Variants in CACNA1I observed in about 807,000 individuals in gnomAD.
The protein encoded by CACNA1I is voltage-dependent T-type calcium channel subunit alpha-1I.
A neutral mutation model predicts 201.6 loss-of-function variants in CACNA1I; 74 were observed. That is an observed-to-expected ratio of 0.37 (90% CI 0.30 to 0.45). CACNA1I has a LOEUF of 0.45. Among genes scored for constraint, CACNA1I ranks in the 20% least tolerant of loss-of-function variants. CACNA1I has a pLI of 1.00. For missense variants in CACNA1I, 2,346 were observed against 3,138.1 expected, an observed-to-expected ratio of 0.75 and a Z score of 6.03; for synonymous variants, 1,431 against 1,345.2, an observed-to-expected ratio of 1.06 and a Z score of -1.40.
intron 3 of CACNA1I, among the ~76,000 whole-genome samples, chr22:39,608,545 A>G (rs1383983531): frequency 6.6e-6 from 1 of 152,112 alleles, no homozygotes; most frequent in African/African-American, 2.4e-5. Context: ...CTGGGTTAGG[A>G]CTTGTATCCT....
rs1286006400 is a variant in CACNA1I at position 39,687,561 on chromosome 22, C to G, written c.*1156C>G. ...GAATTCTAGGCAGGGGTGGGGGCAC[C>G]TGCCTGGGCCCTGGGTCCAGCCGCA... On this transcript the variant is annotated 3_prime_UTR_variant, in exon 37 of 37. Transcript: ENST00000402142. The G allele has an allele frequency of 6.6e-6, 1 of 152,210 alleles. No homozygotes were observed. The highest frequency in any genetic ancestry group is 2.4e-5 in the African/African-American group (1 of 41,410). The allele number at this position is 152,210 out of a possible 1,614,324, so 9.4% of individuals were successfully genotyped here.
rs562581289 is a variant in CACNA1I, at chr22:39,663,721, C to T, written c.3477C>T (p.Phe1159=). Residue 1159 remains phenylalanine, a synonymous_variant, in exon 19 of 37, where the codon TTC becomes TTT. Coordinates refer to ENST00000402142, the MANE Select transcript of CACNA1I (RefSeq NM_021096.4). The stretch of plus-strand genomic sequence containing the variant: ...AGCCCCCGCCCACCCTGCCCAGGTT[C>T]CGGGTCCTGTGTCAGACCATTATTG... The part of the protein sequence containing the change: ...SVYLFSPENR[F]RVLCQTIIAH... 7.2e-5 allele frequency: 46 copies of T among 640,278 alleles called. No individual in the cohort carries two copies. The East Asian group carries it at 1.8e-3, about 25-fold the overall frequency. 39.7% of individuals were successfully genotyped at this position (640,278 alleles called of 1,614,324 possible). A position where few individuals can be genotyped will look rare whatever the true frequency, so the allele number is the denominator to read the frequency against.
intron 1 of CACNA1I, among the ~76,000 whole-genome samples, chr22:39,575,321 A>G (rs1932309614): frequency 6.6e-6 from 1 of 152,194 alleles, no homozygotes; most frequent in African/African-American, 2.4e-5. Flanking sequence ...CCTGTCAAAC[A>G]CGGGTGGTAA....
chr22:39,646,333 A>C (rs1934484588), intron 7 of CACNA1I, among the ~76,000 whole-genome samples: 1 of 147,806 alleles, frequency 6.8e-6, no homozygotes, highest in African/African-American at 2.5e-5. Flanking sequence ...TCTGTACCTC[A>C]CTGTCTCTTT....
chr22:39,657,626 G>T (rs1159340820), intron 10 of CACNA1I, among the ~76,000 whole-genome samples: 2 of 152,230 alleles, frequency 1.3e-5, no homozygotes, highest in Non-Finnish European at 2.9e-5. Flanking sequence ...CCTCAGGCAA[G>T]GGACTGGCGT....
At chr22:39,635,591 G>A (rs1178510852) in intron 5 of CACNA1I, among the ~76,000 whole-genome samples, 1 of 152,206 alleles carries the variant, frequency 6.6e-6, no homozygotes, top group Non-Finnish European at 1.5e-5. Context: ...GGGAACAGTA[G>A]GGTACCTGGG....
At chr22:39,634,346 T>A (rs1934147843) in intron 4 of CACNA1I, among the ~76,000 whole-genome samples, 1 of 152,078 alleles carries the variant, frequency 6.6e-6, no homozygotes, top group Admixed American at 6.5e-5. Flanking sequence ...CTAGTGTAAG[T>A]GGAGCAGGGC....
intron 1 of CACNA1I, among the ~76,000 whole-genome samples, chr22:39,597,465 C>T (rs933156473): frequency 2.0e-5 from 3 of 152,210 alleles, no homozygotes; most frequent in African/African-American, 7.2e-5. Flanking sequence ...CAAGCTGTGC[C>T]CAGAGGCCCT....
rs5845434 is a variant in CACNA1I at position 39,629,532 on chromosome 22, C to CGGCCAGGCAG, written c.581-5021_581-5012dup. On this transcript the variant is annotated intron_variant, in intron 4 of 36. Transcript: ENST00000402142. This position sits in a 1 kb window ranked among gnomAD's most constrained non-coding sequence, Gnocchi z 4.8. Reference sequence around the variant, plus strand: ...GTTTATCACAATGATGAATGTATGACGGCCAGGCAGGGCCAGGCAGGACGG... The same window carrying CGGCCAGGCAG: ...GTTTATCACAATGATGAATGTATGACGGCCAGGCAGGGCCAGGCAGGGCCAGGCAGGACGG... Among the ~76,000 whole-genome samples the CGGCCAGGCAG allele has an allele frequency of 0.39, 59,261 of 150,976 alleles. 12,545 individuals are homozygous for CGGCCAGGCAG. The highest frequency in any genetic ancestry group is 0.9 in the East Asian group (4,491 of 5,006).
chr22:39,640,638 G>A (rs925439062), intron 5 of CACNA1I, among the ~76,000 whole-genome samples: 77 of 152,314 alleles, frequency 5.1e-4, no homozygotes, highest in African/African-American at 1.7e-3. Context: ...GAAGGTGTGT[G>A]CAAGGCACAG....
intron 1 of CACNA1I, among the ~76,000 whole-genome samples, chr22:39,589,195 C>T (rs1402073352): frequency 6.6e-6 from 1 of 152,206 alleles, no homozygotes; most frequent in Non-Finnish European, 1.5e-5. Context: ...CACCACCCTA[C>T]CCCATTCTTC....
At chr22:39,620,130 T>TCCATCCATCCACCCAC (rs1254689331) in intron 4 of CACNA1I, among the ~76,000 whole-genome samples, 1 of 111,096 alleles carries the variant, frequency 9.0e-6, no homozygotes, top group Non-Finnish European at 1.8e-5. Context: ...CATCCACCTG[T>TCCATCCATCCACCCAC]CCATCCATCC....
intron 3 of CACNA1I, among the ~76,000 whole-genome samples, chr22:39,613,511 G>A (rs560013498): frequency 1.8e-4 from 28 of 152,318 alleles, no homozygotes; most frequent in South Asian, 4.1e-4. Flanking sequence ...CTTGTGTGAG[G>A]CCCTGTTCTG....
At chr22:39,604,725 C>T (rs1025246748) in intron 3 of CACNA1I, among the ~76,000 whole-genome samples, 10 of 151,934 alleles carry the variant, frequency 6.6e-5, no homozygotes, top group African/African-American at 2.4e-4. Context: ...ACTACAGGCA[C>T]ATGCCCCATG....
In CACNA1I at chr22:39,616,385, C is replaced by T. The variant is rs182591024; in HGVS notation, c.483-2925C>T. Among the ~76,000 whole-genome samples the T allele has an allele frequency of 9.9e-4, 150 of 152,284 alleles. 1 individual carries two copies. Among genetic ancestry groups the T allele is most frequent in the Non-Finnish European group, 2.1e-3 (140 of 68,022 alleles). ...CATCGTGGGCCCCCCCTTTGACATC[C>T]AGTCACAACTTGTATCTCATTGAGG... On this transcript the variant is annotated intron_variant, in intron 3 of 36. Coordinates refer to ENST00000402142, the MANE Select transcript of CACNA1I (RefSeq NM_021096.4).
rs1935881561 is a variant in CACNA1I, at chr22:39,686,432, C to G, written c.*27C>G. ...GGTCGCAGGGGCCCCCGGCCGCCCA[C>G]CGCCCGCCCCGTCTCACCTTCTTTA... On this transcript the variant is annotated 3_prime_UTR_variant, in exon 37 of 37. Transcript: ENST00000402142. The G allele has an allele frequency of 2.5e-6, 3 of 1,213,728 alleles. No individual in the cohort carries two copies. The South Asian group carries it at 9.2e-5, about 37-fold the overall frequency. 75.2% of individuals were successfully genotyped at this position (1,213,728 alleles called of 1,614,324 possible).
At chr22:39,681,470 C>T (rs1003169150) in intron 34 of CACNA1I, among the ~76,000 whole-genome samples, 4 of 152,220 alleles carry the variant, frequency 2.6e-5, no homozygotes, top group African/African-American at 9.6e-5. Context: ...GCCCGTGCCA[C>T]CTGTTTGTCT....
intron 10 of CACNA1I, chr22:39,656,324 C>G: frequency 2.0e-6 from 1 of 498,428 alleles, no homozygotes; most frequent in South Asian, 1.5e-5. Context: ...CGGTCCTCTG[C>G]TCTCCCACCT....
intron 10 of CACNA1I, among the ~76,000 whole-genome samples, chr22:39,657,770 G>A (rs1388006255): frequency 6.6e-6 from 1 of 152,226 alleles, no homozygotes; most frequent in Admixed American, 6.5e-5. Flanking sequence ...GACGTCTAGC[G>A]ACGCCTGTCC....
Sources: gnomAD v4.1 joint callset for allele counts (sites outside exome capture counted in the v4.1 genomes callset) on GRCh38, gnomAD v4.1.1 for gene constraint, Gnocchi (gnomAD v3.1) non-coding constraint, MANE v1.5 for transcripts, NCBI Gene and HGNC (gene_info 2026-07-23, HGNC 2026-07-21) for gene names.